The following CTNNA3 variants were observed in gnomAD, a reference collection of about 807,000 sequenced individuals.
CTNNA3 encodes the protein catenin alpha 3.
In CTNNA3, 76 loss-of-function variants were observed where a neutral mutation model predicts 95.7. The observed-to-expected ratio is 0.79, with a 90% confidence interval of 0.66 to 0.96. CTNNA3 has a LOEUF of 0.96. CTNNA3 is among the 40% of genes least tolerant of loss of function. CTNNA3 has a pLI of 0.00. For missense variants in CTNNA3, 1,191 were observed against 1,089.8 expected (o/e 1.09, Z -1.31); for synonymous variants, 431 against 374.4 (o/e 1.15, Z -1.74).
At chr10:67,340,139 C>T (rs1039462219) in intron 5 of CTNNA3, among the ~76,000 whole-genome samples, 19 of 152,022 alleles carry the variant, frequency 1.2e-4, no homozygotes, top group Admixed American at 6.6e-5. Context: ...GGAATGTTTG[C>T]TATGGCTTTG....
At chr10:67,216,520 GCATT>G (rs1864369195) in intron 6 of CTNNA3, among the ~76,000 whole-genome samples, 2 of 152,238 alleles carry the variant, frequency 1.3e-5, no homozygotes, top group Middle Eastern at 6.8e-3. Context: ...CCGTATTATT[GCATT>G]CATTCATTCA....
Position 67,214,999 on chromosome 10 carries a change from CATT to C in CTNNA3, c.843+4605_843+4607del, listed in dbSNP as rs562440971. 5.3e-5 allele frequency among the ~76,000 whole-genome samples: 8 copies of C among 152,118 alleles called. No homozygotes were observed. The South Asian group carries it at 1.7e-3, about 32-fold the overall frequency. ...ACTTCCATCAGTTCTAGGAAATTCT[CATT>C]ATCTGTTTTATACTTCTCTCTCTTC... On this transcript the variant is annotated intron_variant, in intron 6 of 17. Transcript: ENST00000433211.
At chr10:66,805,047 T>A (rs574464958) in intron 7 of CTNNA3, among the ~76,000 whole-genome samples, 34 of 152,208 alleles carry the variant, frequency 2.2e-4, no homozygotes, top group Non-Finnish European at 4.6e-4. Context: ...TAGCTCCCAA[T>A]AGAAACTTTG....
intron 4 of CTNNA3, among the ~76,000 whole-genome samples, chr10:67,528,599 C>T (rs993105285): frequency 5.3e-5 from 8 of 152,198 alleles, no homozygotes; most frequent in African/African-American, 1.4e-4. Flanking sequence ...ATTTAACATA[C>T]CCTCTCTTAA....
intron 13 of CTNNA3, among the ~76,000 whole-genome samples, chr10:66,232,843 A>G (rs2089652444): frequency 6.6e-6 from 1 of 152,116 alleles, no homozygotes; most frequent in African/African-American, 2.4e-5. Context: ...CTTAACTTTT[A>G]CCTTCTGCAA....
At chr10:67,751,568 A>G (rs1841407644) in intron 1 of CTNNA3, among the ~76,000 whole-genome samples, 1 of 152,150 alleles carries the variant, frequency 6.6e-6, no homozygotes, top group Non-Finnish European at 1.5e-5. Context: ...TAGACCGCTA[A>G]CTAGACTAAT....
intron 5 of CTNNA3, among the ~76,000 whole-genome samples, chr10:67,417,699 T>C (rs949738222): frequency 6.6e-6 from 1 of 151,980 alleles, no homozygotes; most frequent in African/African-American, 2.4e-5. Flanking sequence ...TAAATCCAAT[T>C]TAAATTGGAT....
intron 7 of CTNNA3, among the ~76,000 whole-genome samples, chr10:67,039,159 C>CTA (rs1265771008): frequency 6.6e-6 from 1 of 152,054 alleles, no homozygotes; most frequent in African/African-American, 2.4e-5. Context: ...ATAAGCTATA[C>CTA]TGTTACCATA....
chr10:66,767,790 T>C (rs1839929058), intron 8 of CTNNA3, among the ~76,000 whole-genome samples: 1 of 152,192 alleles, frequency 6.6e-6, no homozygotes, highest in African/African-American at 2.4e-5. Flanking sequence ...TACAGGTTTC[T>C]GGAAGAAAAA....
chr10:67,197,383 T>C (rs930758911), intron 6 of CTNNA3, among the ~76,000 whole-genome samples: 1 of 152,004 alleles, frequency 6.6e-6, no homozygotes, highest in Non-Finnish European at 1.5e-5. Context: ...TATAATGATG[T>C]CCTTTGGGAG....
intron 9 of CTNNA3, among the ~76,000 whole-genome samples, chr10:66,670,111 T>C (rs527961055): frequency 6.6e-6 from 1 of 152,268 alleles, no homozygotes; most frequent in East Asian, 1.9e-4. Flanking sequence ...TTTCTGACAG[T>C]TATGGCAACA....
At chr10:67,028,648 TAAA>T (rs35905009) in intron 7 of CTNNA3, among the ~76,000 whole-genome samples, 9 of 142,190 alleles carry the variant, frequency 6.3e-5, no homozygotes, top group Non-Finnish European at 3.0e-5. Context: ...TAGTTCTACT[TAAA>T]AAAAAAAAAA....
At chr10:66,901,159 A>T (rs904613106) in intron 7 of CTNNA3, among the ~76,000 whole-genome samples, 1 of 152,236 alleles carries the variant, frequency 6.6e-6, no homozygotes, top group Non-Finnish European at 1.5e-5. Flanking sequence ...AAGGAAGCCC[A>T]TCAAACTAAC....
At chr10:66,975,916 T>C (rs1057360849) in intron 7 of CTNNA3, among the ~76,000 whole-genome samples, 8 of 152,230 alleles carry the variant, frequency 5.3e-5, no homozygotes, top group African/African-American at 1.2e-4. Flanking sequence ...GGAAAATATA[T>C]AAAAGTCATT....
chr10:66,685,423 A>C (rs1456145091), intron 9 of CTNNA3, among the ~76,000 whole-genome samples: 1 of 109,514 alleles, frequency 9.1e-6, no homozygotes, highest in African/African-American at 3.7e-5. Flanking sequence ...CCCAGGCTGG[A>C]GTGCAGTGGC....
intron 12 of CTNNA3, among the ~76,000 whole-genome samples, chr10:66,292,471 G>A (rs1174362563): frequency 6.6e-6 from 1 of 152,046 alleles, no homozygotes; most frequent in Non-Finnish European, 1.5e-5. Context: ...TGAATCAGTT[G>A]CTGTGAATTT....
In CTNNA3 at chr10:66,332,441, G is replaced by A. The variant is rs1003392345; in HGVS notation, c.1732+46711C>T. On this transcript the variant is annotated intron_variant, in intron 12 of 17. Coordinates refer to ENST00000433211, the MANE Select transcript of CTNNA3 (RefSeq NM_013266.4). ...TTATTGAGAGTTTTTAGCATGAAGG[G>A]TGTAGATTTTGTCAAAGGCCTTTTC... Among the ~76,000 whole-genome samples the A allele has an allele frequency of 9.8e-5, 14 of 142,344 alleles. 1 individual carries two copies. Among genetic ancestry groups the A allele is most frequent in the Non-Finnish European group, 1.7e-4 (11 of 64,104 alleles). 93.4% of individuals were successfully genotyped at this position (142,344 alleles called of 152,430 possible).
intron 7 of CTNNA3, among the ~76,000 whole-genome samples, chr10:67,108,290 G>GT (rs951999654): frequency 6.6e-6 from 1 of 151,952 alleles, no homozygotes; most frequent in Admixed American, 6.6e-5. Flanking sequence ...AGCTACTTTA[G>GT]TTTTTTTGAA....
intron 7 of CTNNA3, among the ~76,000 whole-genome samples, chr10:66,944,697 C>T (rs1848192993): frequency 6.6e-6 from 1 of 152,128 alleles, no homozygotes; most frequent in African/African-American, 2.4e-5. Flanking sequence ...TCATCCAAGA[C>T]AGCAAGAGAC....
Sources: allele counts gnomAD v4.1 joint callset (sites outside exome capture counted in the v4.1 genomes callset), GRCh38; gene constraint gnomAD v4.1.1; transcripts MANE v1.5; gene names NCBI Gene and HGNC (gene_info 2026-07-23, HGNC 2026-07-21).